SSBP3: variants seen among roughly 807,000 people sequenced by gnomAD.
The protein encoded by SSBP3 is single stranded DNA binding protein 3, also known as single-stranded DNA-binding protein 3.
In SSBP3, 5 loss-of-function variants were observed where a neutral mutation model predicts 69.6. The ratio of observed to expected loss-of-function variants is 0.07; its 90% CI spans 0.04 to 0.15. SSBP3 has a LOEUF of 0.15. Ranked by LOEUF, SSBP3 falls within the 10% of genes least tolerant of loss-of-function variation. The pLI is 1.00. For missense variants in SSBP3, 312 were observed against 534.0 expected (o/e 0.58, Z 4.10); for synonymous variants, 196 against 193.4 (o/e 1.01, Z -0.11).
At chr1:54,244,191 C>T (rs761271396) in intron 9 of SSBP3, among the ~76,000 whole-genome samples, 2 of 152,110 alleles carry the variant, frequency 1.3e-5, no homozygotes, top group African/African-American at 4.8e-5. Context: ...GCAACCTCCA[C>T]CTCCCAGGTT....
chr1:54,361,523 A>C (rs890976239), intron 4 of SSBP3, among the ~76,000 whole-genome samples: 1 of 152,058 alleles, frequency 6.6e-6, no homozygotes, highest in Non-Finnish European at 1.5e-5. Context: ...CACTGCCCCC[A>C]ATAGAGCAAG....
At chr1:54,353,018 G>A (rs921823096) in intron 4 of SSBP3, among the ~76,000 whole-genome samples, 4 of 152,094 alleles carry the variant, frequency 2.6e-5, no homozygotes, top group South Asian at 2.1e-4. Context: ...TAGGTGACGC[G>A]GGGAGGCGGC....
At chr1:54,341,447 C>G (rs1423637424) in intron 4 of SSBP3, among the ~76,000 whole-genome samples, 1 of 152,060 alleles carries the variant, frequency 6.6e-6, no homozygotes, top group Non-Finnish European at 1.5e-5. Context: ...TATTTCCTTG[C>G]CTTCACCCAA....
intron 4 of SSBP3, among the ~76,000 whole-genome samples, chr1:54,311,019 C>T (rs1045668269): frequency 1.3e-4 from 20 of 152,206 alleles, no homozygotes; most frequent in African/African-American, 4.8e-4. Flanking sequence ...AAATCTGTGG[C>T]TTGATGTCTT....
Position 54,332,445 on chromosome 1 carries a change from C to A in SSBP3, c.277-50918G>T, listed in dbSNP as rs530212030. Among the ~76,000 whole-genome samples, 302 of 152,296 alleles carry A rather than the reference C, an allele frequency of 2.0e-3. 2 individuals are homozygous for A. The Middle Eastern group carries it at 0.027, about 14-fold the overall frequency. ...AGTCTAGTCCCAGCCACCTTGAATG[C>A]CTCAGCCAGGTCAAGCTGCCCATCT... On this transcript the variant is annotated intron_variant, in intron 4 of 17. Transcript: ENST00000610401.
chr1:54,239,063 A>G (rs745483736), intron 14 of SSBP3, 66 bp downstream of exon 14: 2 of 1,355,408 alleles, frequency 1.5e-6, no homozygotes, highest in Admixed American at 1.7e-5. Context: ...CTTTCCCCTC[A>G]GCTGATGAAG....
chr1:54,343,244 G>C (rs542896885), intron 4 of SSBP3, among the ~76,000 whole-genome samples: 2 of 152,284 alleles, frequency 1.3e-5, no homozygotes, highest in Admixed American at 6.5e-5. Context: ...TCAGGTGTTT[G>C]GCATGTGTTC....
chr1:54,370,713 T>C (rs547843599), intron 4 of SSBP3, among the ~76,000 whole-genome samples: 1 of 152,034 alleles, frequency 6.6e-6, no homozygotes, highest in East Asian at 1.9e-4. Context: ...GTGCAGGGGA[T>C]TATTATATGT....
intron 4 of SSBP3, among the ~76,000 whole-genome samples, chr1:54,344,636 A>C (rs1455598970): frequency 6.6e-6 from 1 of 152,202 alleles, no homozygotes; most frequent in Admixed American, 6.5e-5. Flanking sequence ...AAGAGAGGAA[A>C]GAATTGGGGG....
At chr1:54,239,096 T>C (rs1644557471) in intron 14 of SSBP3, 33 bp downstream of exon 14, 2 of 1,568,546 alleles carry the variant, frequency 1.3e-6, no homozygotes, top group African/African-American at 1.4e-5. Flanking sequence ...TGTTATGGTG[T>C]CTGATATGTA....
chr1:54,327,845 TC>T (rs1646337419), intron 4 of SSBP3, among the ~76,000 whole-genome samples: 1 of 152,110 alleles, frequency 6.6e-6, no homozygotes, highest in African/African-American at 2.4e-5. Context: ...TCCTGTCCCC[TC>T]CCCCATCCCA....
intron 9 of SSBP3, among the ~76,000 whole-genome samples, chr1:54,248,856 G>A (rs1051174141): frequency 6.6e-6 from 1 of 152,122 alleles, no homozygotes; most frequent in Non-Finnish European, 1.5e-5. Flanking sequence ...AGCACTTTAG[G>A]GTCTCCACAT....
intron 15 of SSBP3, 32 bp downstream of exon 15, chr1:54,228,716 G>A (rs368069745): frequency 6.4e-7 from 1 of 1,562,202 alleles, no homozygotes; most frequent in Non-Finnish European, 8.7e-7. Flanking sequence ...GCCCAGGCAG[G>A]GTGGGGCATG....
At chr1:54,373,750 G>C (rs1445104026) in intron 4 of SSBP3, among the ~76,000 whole-genome samples, 1 of 149,676 alleles carries the variant, frequency 6.7e-6, no homozygotes, top group South Asian at 2.1e-4. Context: ...CTGGGTGACA[G>C]AGTAAGACCC....
intron 4 of SSBP3, among the ~76,000 whole-genome samples, chr1:54,295,446 G>C (rs1265652605): frequency 1.3e-5 from 2 of 152,172 alleles, no homozygotes; most frequent in Non-Finnish European, 2.9e-5. Flanking sequence ...GAAGTTACCA[G>C]TTTCCACCCG....
intron 4 of SSBP3, among the ~76,000 whole-genome samples, chr1:54,302,111 G>A (rs78835386): frequency 0.026 from 3,916 of 152,244 alleles, 97 homozygotes; most frequent in Admixed American, 0.038. Flanking sequence ...TCATACCATC[G>A]TCCCATGTGC....
At chr1:54,310,245 T>C (rs1416025063) in intron 4 of SSBP3, among the ~76,000 whole-genome samples, 1 of 152,104 alleles carries the variant, frequency 6.6e-6, no homozygotes, top group Non-Finnish European at 1.5e-5. Flanking sequence ...CTGGGATGAT[T>C]CTTCAACTCT....
Position 54,245,411 on chromosome 1 carries a change from G to A in SSBP3, c.652-2112C>T, listed in dbSNP as rs191424022. On this transcript the variant is annotated intron_variant, in intron 9 of 17. Coordinates refer to ENST00000610401, the Ensembl canonical transcript of SSBP3. ...CTGTATGCTTAGCCAAGAAACTGGC[G>A]GGAGGCGGGTGGGAAGGGGGACAGA... Among the ~76,000 whole-genome samples, 29 of 152,304 alleles carry A rather than the reference G, an allele frequency of 1.9e-4. No homozygotes were observed. In the East Asian group the frequency reaches 4.4e-3, roughly 23 times the overall value.
intron 4 of SSBP3, among the ~76,000 whole-genome samples, chr1:54,342,079 T>C (rs1646618479): frequency 6.6e-6 from 1 of 152,194 alleles, no homozygotes; most frequent in Non-Finnish European, 1.5e-5. Context: ...TTTCCTGGAA[T>C]GTCTGGATCT....
Sources: gnomAD v4.1 joint callset for allele counts (sites outside exome capture counted in the v4.1 genomes callset) on GRCh38, gnomAD v4.1.1 for gene constraint, MANE v1.5 for transcripts, NCBI Gene and HGNC (gene_info 2026-07-23, HGNC 2026-07-21) for gene names.